The following ADCY5 variants were observed in gnomAD, a reference collection of about 807,000 sequenced individuals.
ADCY5 encodes adenylate cyclase 5, also known as adenylate cyclase type 5.
ADCY5 carries 30 observed loss-of-function variants against 119.7 expected under a neutral mutation model. The ratio of observed to expected loss-of-function variants is 0.25; its 90% CI spans 0.19 to 0.34. The LOEUF is 0.34. Ranked by LOEUF, ADCY5 falls within the 10% of genes least tolerant of loss-of-function variation. ADCY5 has a pLI of 1.00. For missense variants in ADCY5, 1,324 were observed against 1,775.2 expected (o/e 0.75, Z 4.57); for synonymous variants, 753 against 762.2 (o/e 0.99, Z 0.20).
chr3:123,327,190 T>C (rs943933190), intron 7 of ADCY5, among the ~76,000 whole-genome samples: 1 of 151,694 alleles, frequency 6.6e-6, no homozygotes, highest in Non-Finnish European at 1.5e-5. Context: ...AAGGGGAAAA[T>C]AGGTTCAAGA....
At chr3:123,435,923 C>T (rs1355697630) in intron 1 of ADCY5, among the ~76,000 whole-genome samples, 1 of 147,652 alleles carries the variant, frequency 6.8e-6, no homozygotes, top group Non-Finnish European at 1.5e-5. Context: ...TGGAGTCTTG[C>T]TCTGTCACCT....
At chr3:123,401,228 A>G (rs1944742324) in intron 1 of ADCY5, among the ~76,000 whole-genome samples, 1 of 152,180 alleles carries the variant, frequency 6.6e-6, no homozygotes, top group African/African-American at 2.4e-5. Context: ...GGTCCCCAAG[A>G]GCACGCATGG....
chr3:123,417,120 C>T (rs567738354), intron 1 of ADCY5, among the ~76,000 whole-genome samples: 4 of 152,224 alleles, frequency 2.6e-5, no homozygotes, highest in East Asian at 3.9e-4. Context: ...CTCCTTCCCC[C>T]GAGAGAGCTG....
intron 14 of ADCY5, among the ~76,000 whole-genome samples, chr3:123,301,245 G>A (rs1455228065): frequency 2.0e-5 from 3 of 152,068 alleles, no homozygotes; most frequent in Admixed American, 6.5e-5. Context: ...TTTACTCTTC[G>A]CACACGGCTT....
intron 3 of ADCY5, among the ~76,000 whole-genome samples, chr3:123,335,520 A>G (rs1941977864): frequency 6.6e-6 from 1 of 152,174 alleles, no homozygotes; most frequent in Admixed American, 6.5e-5. Context: ...ACACTTTAGG[A>G]GTTGAACCAA....
chr3:123,378,182 C>T (rs1339136414), intron 1 of ADCY5, among the ~76,000 whole-genome samples: 1 of 152,136 alleles, frequency 6.6e-6, no homozygotes, highest in Non-Finnish European at 1.5e-5. Flanking sequence ...CGTGGTCACT[C>T]AACTCTCATC....
intron 1 of ADCY5, among the ~76,000 whole-genome samples, chr3:123,381,330 T>C (rs2332509): frequency 0.47 from 71,881 of 151,928 alleles, 17,747 homozygotes; most frequent in East Asian, 0.68. Flanking sequence ...TGGAAGTCTT[T>C]ACCTGTGGCC....
chr3:123,336,219 C>CGCCTCCCT (rs1394051402), intron 3 of ADCY5, among the ~76,000 whole-genome samples: 1 of 152,218 alleles, frequency 6.6e-6, no homozygotes, highest in East Asian at 1.9e-4. Flanking sequence ...GCCCACCCTC[C>CGCCTCCCT]GCCTCCCTGC....
At chr3:123,344,121 T>C (rs971214242) in intron 3 of ADCY5, among the ~76,000 whole-genome samples, 1 of 152,132 alleles carries the variant, frequency 6.6e-6, no homozygotes, top group Non-Finnish European at 1.5e-5. Context: ...CCCCGCCCTA[T>C]CCAAGACAAA....
At position 123,352,459 on chromosome 3, in the gene ADCY5, G is replaced by A. The variant is rs1171604707; in HGVS notation, c.1257C>T (p.Leu419=). The A allele has an allele frequency of 6.2e-7, 1 of 1,613,484 alleles. No individual in the cohort carries two copies. The highest frequency in any genetic ancestry group is 8.5e-7 in the Non-Finnish European group (1 of 1,179,904). ...GCTGCTGGTTCTCCCGCTGCGAGTG[G>A]AGCCGCGCCTGGATGCACTCTCGGG... The part of the protein sequence containing the change: ...QETRECIQAR[L]HSQRENQQQE... Residue 419 remains leucine (L), a synonymous_variant, in exon 2 of 21, where the codon CTC becomes CTT. Transcript: ENST00000462833. The surrounding 1 kb of genome is among the most constrained non-coding windows in gnomAD (Gnocchi z 4.8).
Position 123,376,350 on chromosome 3 carries a change from A to G in ADCY5, c.1135-23769T>C, listed in dbSNP as rs191926338. Among the ~76,000 whole-genome samples the G allele has an allele frequency of 3.7e-3, 558 of 152,152 alleles. 2 individuals carry two copies. Among genetic ancestry groups the G allele is most frequent in the Non-Finnish European group, 6.3e-3 (431 of 67,994 alleles). On this transcript the variant is annotated intron_variant, in intron 1 of 20. Coordinates refer to ENST00000462833, the MANE Select transcript of ADCY5 (RefSeq NM_183357.3). The stretch of plus-strand genomic sequence containing the variant: ...TGGGACGGTGGACTGTCTTCCTCAC[A>G]GTGAGTGCCTAAGAATCACTAGGAC...
chr3:123,285,284 C>G (rs1041979024), intron 20 of ADCY5, among the ~76,000 whole-genome samples: 1 of 152,212 alleles, frequency 6.6e-6, no homozygotes, highest in East Asian at 1.9e-4. Flanking sequence ...ATCTAAGTCA[C>G]GAGCCTGAGG....
chr3:123,399,878 G>A (rs570744288), intron 1 of ADCY5, among the ~76,000 whole-genome samples: 14 of 152,308 alleles, frequency 9.2e-5, no homozygotes, highest in African/African-American at 3.4e-4. Flanking sequence ...GAACATGCAA[G>A]TCGGGAATTA....
intron 1 of ADCY5, among the ~76,000 whole-genome samples, chr3:123,369,448 T>C (rs975387043): frequency 6.6e-6 from 1 of 152,198 alleles, no homozygotes; most frequent in African/African-American, 2.4e-5. Flanking sequence ...TGGTACTAAC[T>C]GCCATGGCCA....
chr3:123,360,707 T>A (rs1415154579), intron 1 of ADCY5, among the ~76,000 whole-genome samples: 3 of 152,226 alleles, frequency 2.0e-5, no homozygotes, highest in Non-Finnish European at 4.4e-5. Context: ...AATTAGAGCA[T>A]GAAATATTGA....
At chr3:123,323,598 G>A (rs189999495) in intron 8 of ADCY5, among the ~76,000 whole-genome samples, 30 of 150,948 alleles carry the variant, frequency 2.0e-4, no homozygotes, top group Non-Finnish European at 3.8e-4. Flanking sequence ...CCTCTCTCTC[G>A]GCTCTCCTGC....
At chr3:123,372,849 C>G (rs531511693) in intron 1 of ADCY5, among the ~76,000 whole-genome samples, 2 of 152,326 alleles carry the variant, frequency 1.3e-5, no homozygotes, top group Non-Finnish European at 2.9e-5. Context: ...ATTGGCAAGT[C>G]TGAACGTGTG....
At chr3:123,367,865 C>A in intron 1 of ADCY5, 1 of 1,524,068 alleles carries the variant, frequency 6.6e-7, no homozygotes. Flanking sequence ...AAAAAAAACA[C>A]CAAAGAGAAA....
chr3:123,394,281 A>C (rs1429333112), intron 1 of ADCY5, among the ~76,000 whole-genome samples: 1 of 152,184 alleles, frequency 6.6e-6, no homozygotes, highest in Non-Finnish European at 1.5e-5. Flanking sequence ...CACTCCTACC[A>C]CCTTAGCAAA....
Sources: gnomAD v4.1 joint callset for allele counts (sites outside exome capture counted in the v4.1 genomes callset) on GRCh38, gnomAD v4.1.1 for gene constraint, Gnocchi (gnomAD v3.1) non-coding constraint, MANE v1.5 for transcripts, NCBI Gene and HGNC (gene_info 2026-07-23, HGNC 2026-07-21) for gene names.